MAP3K14: variants seen among roughly 807,000 people sequenced by gnomAD.
MAP3K14 encodes NF-kappa-beta-inducing kinase.
Under a neutral mutation model 99.2 loss-of-function variants are expected in MAP3K14, and 16 were observed. That is an observed-to-expected ratio of 0.16 (90% confidence interval 0.11 to 0.24). The LOEUF is 0.24. Among genes scored for constraint, MAP3K14 ranks in the 10% least tolerant of loss-of-function variants. The pLI is 1.00. For synonymous variants in MAP3K14, 462 were observed against 492.4 expected (o/e 0.94, Z 0.82); for missense variants, 784 against 1,208.7 (o/e 0.65, Z 5.21).
chr17:45,301,807 G>A (rs568675456), intron 1 of MAP3K14, among the ~76,000 whole-genome samples: 2 of 150,394 alleles, frequency 1.3e-5, no homozygotes, highest in South Asian at 4.2e-4. Flanking sequence ...CTTTTTCAGT[G>A]AGCACATATT....
chr17:45,309,129 A>C (rs2044452243), intron 1 of MAP3K14, among the ~76,000 whole-genome samples: 1 of 152,146 alleles, frequency 6.6e-6, no homozygotes, highest in Non-Finnish European at 1.5e-5. Flanking sequence ...CATTTGAGCA[A>C]ATTTCTCCTG....
intron 1 of MAP3K14, among the ~76,000 whole-genome samples, chr17:45,305,796 C>T (rs1318030322): frequency 1.3e-5 from 2 of 152,194 alleles, no homozygotes; most frequent in Admixed American, 6.5e-5. Flanking sequence ...AAGTCTGGAA[C>T]AGATGTGGTC....
rs528454815 is a variant in MAP3K14 at position 45,301,613 on chromosome 17, A to G, written c.-20-10848T>C. On this transcript the variant is annotated intron_variant, in intron 1 of 15. Coordinates refer to ENST00000344686, the MANE Select transcript of MAP3K14 (RefSeq NM_003954.5). ...CATTTTAACAATATGGAAAAATGGG[A>G]TATTAAATTAGTAGAAAGAGGATAC... 1.3e-4 allele frequency among the ~76,000 whole-genome samples: 20 copies of G among 152,302 alleles called. No homozygotes were observed. The East Asian group carries it at 1.3e-3, about 10-fold the overall frequency.
At chr17:45,269,879 A>G (rs898001360) in intron 11 of MAP3K14, among the ~76,000 whole-genome samples, 6 of 152,202 alleles carry the variant, frequency 3.9e-5, no homozygotes, top group African/African-American at 7.2e-5. Context: ...CAGCAAATTA[A>G]TCAATCCCAA....
At chr17:45,308,834 A>G (rs1289649029) in intron 1 of MAP3K14, among the ~76,000 whole-genome samples, 1 of 151,864 alleles carries the variant, frequency 6.6e-6, no homozygotes, top group Non-Finnish European at 1.5e-5. Context: ...CACCTGGCTA[A>G]TTTTTGTATT....
intron 9 of MAP3K14, 82 bp from the exon 10 acceptor site, chr17:45,271,303 G>A (rs1156253525): frequency 8.8e-6 from 11 of 1,246,086 alleles, no homozygotes; most frequent in South Asian, 5.5e-5. Flanking sequence ...GTTAATCCTC[G>A]GGGTATCTTA....
rs59117060 is a variant in MAP3K14 at position 45,310,027 on chromosome 17, CTTTTTTTTTT to C, written c.-21+6923_-21+6932del. On this transcript the variant is annotated intron_variant, in intron 1 of 15. Transcript: ENST00000344686. ...AACTCCCTTGGCCAAAGGAGTCCAT[CTTTTTTTTTT>C]TTTTTTTTTTTTTTGAGACGGAGTT... is the stretch of plus-strand genomic sequence containing the variant. 2.9e-4 allele frequency among the ~76,000 whole-genome samples: 29 copies of C among 98,832 alleles called. 1 individual carries two copies. The Admixed American group carries it at 3.1e-3, about 11-fold the overall frequency. The allele number at this position is 98,832 out of a possible 152,430, so 64.8% of individuals were successfully genotyped here.
chr17:45,290,352 G>T, intron 2 of MAP3K14, 138 bp downstream of exon 2: 2 of 1,108,242 alleles, frequency 1.8e-6, no homozygotes, highest in Admixed American at 2.7e-5. Flanking sequence ...TCTCGGCACA[G>T]ACCTCTGGTT....
chr17:45,303,347 G>A (rs368159398), intron 1 of MAP3K14, among the ~76,000 whole-genome samples: 1 of 152,152 alleles, frequency 6.6e-6, no homozygotes, highest in Admixed American at 6.6e-5. Context: ...GATCACTTGA[G>A]GTCAGGAGTT....
chr17:45,316,247 C>A (rs1304070322), intron 1 of MAP3K14, among the ~76,000 whole-genome samples: 1 of 152,224 alleles, frequency 6.6e-6, no homozygotes, highest in African/African-American at 2.4e-5. Context: ...GGCTCCCGGG[C>A]AGGTGGGAAA....
At position 45,287,023 on chromosome 17, in the gene MAP3K14, G is replaced by A. The variant is rs1465875238; in HGVS notation, c.560C>T (p.Ala187Val). 1.9e-6 allele frequency: 3 copies of A among 1,612,520 alleles called. No individual in the cohort carries two copies. The highest frequency in any genetic ancestry group is 4.5e-5 in the East Asian group (2 of 44,864). Residue 187 changes from alanine (A) to valine (V), a missense_variant, in exon 5 of 16, where the codon GCC becomes GTC. Transcript: ENST00000344686. ...PVQEDESPLG[A>V]PYVRNTPQFT... is the part of the protein sequence containing the mutation. ...CTGCGGGGTGTTTCTAACATATGGG[G>A]CGCCGAGTGGAGACTCATCCTCCTG...
At chr17:45,284,511 A>G (rs1429405989) in intron 6 of MAP3K14, among the ~76,000 whole-genome samples, 1 of 152,176 alleles carries the variant, frequency 6.6e-6, no homozygotes, top group Non-Finnish European at 1.5e-5. Context: ...TGACGCTCCA[A>G]CCATCTTCCA....
intron 1 of MAP3K14, among the ~76,000 whole-genome samples, chr17:45,309,110 C>T (rs960796058): frequency 1.3e-5 from 2 of 152,224 alleles, no homozygotes; most frequent in African/African-American, 2.4e-5. Flanking sequence ...AGCCACTGTG[C>T]CCAAGCAACA....
In MAP3K14 at chr17:45,263,119, T is replaced by G. The variant is rs1345641243; in HGVS notation, c.*1517A>C. The G allele has an allele frequency of 6.6e-6, 1 of 152,342 alleles. No individual in the cohort carries two copies. The highest frequency in any genetic ancestry group is 2.1e-4 in the South Asian group (1 of 4,840). 9.4% of individuals were successfully genotyped at this position (152,342 alleles called of 1,614,324 possible). On this transcript the variant is annotated 3_prime_UTR_variant, in exon 16 of 16. Transcript: ENST00000344686. ...CGGCAGGCAAGAGAGAGGACACCGA[T>G]GGCCTGGAAACATTTGTCATCACCC...
chr17:45,277,749 G>A (rs1026267435), intron 6 of MAP3K14, among the ~76,000 whole-genome samples: 2 of 152,296 alleles, frequency 1.3e-5, no homozygotes, highest in Middle Eastern at 3.4e-3. Flanking sequence ...GCAGGACACC[G>A]CGTGAACTAC....
In MAP3K14 at chr17:45,267,349, C is replaced by T. The variant is rs576007466; in HGVS notation, c.2326+57G>A. ...CGCAGGTAAAGAGAAACACCGGCCTCCGCGGGTGGCCCAGGGCCAGTGCTC... is the reference window on the plus strand; with the variant it reads ...CGCAGGTAAAGAGAAACACCGGCCTTCGCGGGTGGCCCAGGGCCAGTGCTC... On this transcript the variant is annotated intron_variant, in intron 12 of 15. Coordinates refer to ENST00000344686, the MANE Select transcript of MAP3K14 (RefSeq NM_003954.5). The surrounding 1 kb of genome is among the most constrained non-coding windows in gnomAD (Gnocchi z 5.1). 21 of 1,515,428 alleles carry T rather than the reference C, an allele frequency of 1.4e-5. No individual in the cohort carries two copies. Among genetic ancestry groups the T allele is most frequent in the Admixed American group, 2.1e-5 (1 of 48,482 alleles). 93.9% of individuals were successfully genotyped at this position (1,515,428 alleles called of 1,614,324 possible).
At chr17:45,266,959 C>T in intron 13 of MAP3K14, 133 bp downstream of exon 13, 3 of 732,450 alleles carry the variant, frequency 4.1e-6, no homozygotes, top group Non-Finnish European at 4.5e-6. Flanking sequence ...AAGGGGTGAC[C>T]CCCATCACCC....
intron 1 of MAP3K14, among the ~76,000 whole-genome samples, chr17:45,314,207 G>A (rs2044509229): frequency 6.6e-6 from 1 of 152,230 alleles, no homozygotes; most frequent in Admixed American, 6.5e-5. Context: ...CAGCTCAACA[G>A]AAATGCTCCC....
chr17:45,295,369 G>A (rs1011587137), intron 1 of MAP3K14, among the ~76,000 whole-genome samples: 2 of 152,046 alleles, frequency 1.3e-5, no homozygotes, highest in Non-Finnish European at 2.9e-5. Flanking sequence ...AGCTCCACAT[G>A]CTCAGTGTCC....
Sources: gnomAD v4.1 joint callset for allele counts (sites outside exome capture counted in the v4.1 genomes callset) on GRCh38, gnomAD v4.1.1 for gene constraint, Gnocchi (gnomAD v3.1) non-coding constraint, MANE v1.5 for transcripts, NCBI Gene and HGNC (gene_info 2026-07-23, HGNC 2026-07-21) for gene names.